Variants in UNC45A observed in about 807,000 individuals in gnomAD.
UNC45A encodes protein unc-45 homolog A.
A neutral mutation model predicts 103.2 loss-of-function variants in UNC45A; 78 were observed. The ratio of observed to expected loss-of-function variants is 0.76; its 90% CI spans 0.63 to 0.91. The LOEUF (loss-of-function observed/expected upper bound fraction) is 0.91, where lower values mean the gene tolerates loss of function less well. Ranked by LOEUF, UNC45A falls within the 40% of genes least tolerant of loss-of-function variation. UNC45A has a pLI of 0.00. For missense variants in UNC45A, 1,193 were observed against 1,224.8 expected, an observed-to-expected ratio of 0.97 and a Z score of 0.39; for synonymous variants, 495 against 504.6, an observed-to-expected ratio of 0.98 and a Z score of 0.25.
intron 3 of UNC45A, 105 bp downstream of exon 3, chr15:90,936,087 A>T: frequency 6.4e-7 from 1 of 1,558,760 alleles, no homozygotes. Flanking sequence ...CCCCAGAGAC[A>T]CATCTGCCTT....
intron 15 of UNC45A, 58 bp from the exon 16 acceptor site, chr15:90,950,095 CG>C (rs1567161460): frequency 6.6e-7 from 1 of 1,507,364 alleles, no homozygotes; most frequent in East Asian, 2.5e-5. Flanking sequence ...CTGGGGAGCC[CG>C]ATGGTCGGGG....
At chr15:90,932,236 C>T (rs929651470), upstream of UNC45A, 8 of 1,095,272 alleles carry the variant, frequency 7.3e-6, no homozygotes, top group Admixed American at 1.7e-4. Flanking sequence ...TGGTCAAGTA[C>T]CTTACCCTCT....
At position 90,953,003 on chromosome 15, in the gene UNC45A, G is replaced by A. The variant is rs149872991; in HGVS notation, c.2378G>A (p.Arg793Gln). The change falls in exon 18 of 20, where the codon CGG (arginine) becomes CAG (glutamine). Residue 793 changes from arginine (R) to glutamine (Q), a missense_variant. Physicochemically the swap from Arg to Gln is conservative, Grantham distance 43. Transcript: ENST00000418476. The part of the protein sequence containing the change: ...YMFEEHEMIR[R>Q]AATECMCNLA... ...TTTGAGGAGCATGAGATGATCCGCC[G>A]GGCAGCCACGGAGTGCATGTGTAAC... The A allele has an allele frequency of 6.0e-4, 961 of 1,613,514 alleles. No individual in the cohort carries two copies. Among genetic ancestry groups the A allele is most frequent in the Middle Eastern group, 1.5e-3 (9 of 6,062 alleles).
At chr15:90,936,771 A>G (rs746977965) in intron 4 of UNC45A, among the ~76,000 whole-genome samples, 1 of 152,200 alleles carries the variant, frequency 6.6e-6, no homozygotes, top group African/African-American at 2.4e-5. Flanking sequence ...GTACTTTAGC[A>G]TATCTATTCA....
Position 90,940,443 on chromosome 15 carries a change from G to A in UNC45A, c.657G>A (p.Leu219=). The part of the protein sequence containing the change: ...TDLMLAALRT[L]VGICSEHQSR... ...TCATGCTGGCGGCTCTGCGTACGCT[G>A]GTTGGCATTTGCTCTGAGCATCAGT... Residue 219 remains leucine (L), a synonymous_variant, in exon 6 of 20, where the codon CTG becomes CTA. Coordinates refer to ENST00000418476, the MANE Select transcript of UNC45A (RefSeq NM_018671.5). 6.2e-7 allele frequency: 1 copy of A among 1,613,834 alleles called. No individual in the cohort carries two copies. Among genetic ancestry groups the A allele is most frequent in the Non-Finnish European group, 8.5e-7 (1 of 1,179,818 alleles).
At position 90,946,956 on chromosome 15, in the gene UNC45A, A is replaced by T. The variant is rs187622236; in HGVS notation, c.1500+42A>T. Reference sequence around the variant, plus strand: ...GGGGTGGGTGGGCAGGCAGCCAGGCAGGGGTCCTGGTCCAGCCGGTGTTGC... The same window carrying T: ...GGGGTGGGTGGGCAGGCAGCCAGGCTGGGGTCCTGGTCCAGCCGGTGTTGC... On this transcript the variant is annotated intron_variant, in intron 10 of 19. Transcript: ENST00000418476. The T allele has an allele frequency of 3.4e-5, 54 of 1,570,048 alleles. No individual in the cohort carries two copies. The East Asian group carries it at 1.1e-3, about 33-fold the overall frequency.
intron 9 of UNC45A, among the ~76,000 whole-genome samples, chr15:90,945,747 C>T (rs2036531539): frequency 6.6e-6 from 1 of 151,694 alleles, no homozygotes; most frequent in African/African-American, 2.4e-5. Flanking sequence ...ATTCTCCTGC[C>T]TCAGCTTCCC....
chr15:90,938,958 C>T (rs1416700894), intron 4 of UNC45A, among the ~76,000 whole-genome samples: 1 of 151,938 alleles, frequency 6.6e-6, no homozygotes, highest in Non-Finnish European at 1.5e-5. Context: ...AGGCGTGAGC[C>T]ACCGTGCCTG....
intron 8 of UNC45A, among the ~76,000 whole-genome samples, chr15:90,944,446 C>A (rs1422543907): frequency 6.6e-6 from 1 of 151,920 alleles, no homozygotes; most frequent in East Asian, 1.9e-4. Context: ...GGGCCTTTCA[C>A]AATGGTCCTA....
At chr15:90,939,684 T>C in intron 4 of UNC45A, 47 bp from the exon 5 acceptor site, 1 of 1,603,088 alleles carries the variant, frequency 6.2e-7, no homozygotes, top group Non-Finnish European at 8.5e-7. Flanking sequence ...GTGTGATGTC[T>C]CTGGCCAAGA....
Position 90,935,320 on chromosome 15 carries a change from C to G in UNC45A, c.-5C>G, listed in dbSNP as rs1297218648. The G allele has an allele frequency of 1.2e-6, 2 of 1,603,582 alleles. No homozygotes were observed. Among genetic ancestry groups the G allele is most frequent in the Non-Finnish European group, 1.7e-6 (2 of 1,176,732 alleles). Reference sequence around the variant, plus strand: ...CCTGCGCGGGCACGAGACAACCTCTCCGCGATGACTGTGAGTGGTCCAGGG... The same window carrying G: ...CCTGCGCGGGCACGAGACAACCTCTGCGCGATGACTGTGAGTGGTCCAGGG... On this transcript the variant is annotated 5_prime_UTR_variant, in exon 1 of 20. Transcript: ENST00000418476.
upstream of UNC45A, chr15:90,935,239 C>T: frequency 3.0e-6 from 4 of 1,337,786 alleles, no homozygotes; most frequent in Non-Finnish European, 4.2e-6. Flanking sequence ...AAGAGTGGGG[C>T]GGGGCAGCTG....
intron 10 of UNC45A, 149 bp downstream of exon 10, chr15:90,947,063 C>G (rs2036613743): frequency 1.1e-6 from 1 of 886,782 alleles, no homozygotes; most frequent in Non-Finnish European, 1.7e-6. Context: ...GTGGTGCATG[C>G]CTATAGGTCC....
chr15:90,935,985 A>G lies in UNC45A; in HGVS notation c.250+3A>G, dbSNP rs769289981. ...AGCAGAAACAGAGGCATCCAAAGGT[A>G]GGGGAATGGTGGGCCCTGGTGTGGA... On this transcript the variant is annotated splice_donor_region_variant and intron_variant, in intron 3 of 19. Transcript: ENST00000418476. The G allele has an allele frequency of 1.9e-6, 3 of 1,614,020 alleles. No homozygotes were observed. Among genetic ancestry groups the G allele is most frequent in the African/African-American group, 1.3e-5 (1 of 75,030 alleles).
chr15:90,943,948 CAA>C (rs1036590046), intron 8 of UNC45A, among the ~76,000 whole-genome samples: 1 of 146,378 alleles, frequency 6.8e-6, no homozygotes, highest in Non-Finnish European at 1.5e-5. Context: ...CTTGGTCTCC[CAA>C]AGTGTTGGGA....
At chr15:90,946,474 C>T (rs1300940743) in intron 9 of UNC45A, 140 bp from the exon 10 acceptor site, 12 of 946,744 alleles carry the variant, frequency 1.3e-5, no homozygotes, top group Admixed American at 2.9e-5. Flanking sequence ...CAGGTGGAAA[C>T]GTCCTAGTCC....
upstream of UNC45A, chr15:90,932,377 A>T: frequency 2.6e-6 from 3 of 1,150,576 alleles, no homozygotes; most frequent in Non-Finnish European, 3.4e-6. Context: ...TTTCCTTCCC[A>T]GTCCCCACCA....
At chr15:90,946,268 A>G (rs1239567150) in intron 9 of UNC45A, among the ~76,000 whole-genome samples, 1 of 147,846 alleles carries the variant, frequency 6.8e-6, no homozygotes, top group Non-Finnish European at 1.5e-5. Flanking sequence ...AAAAAAAAAA[A>G]AAAGAAAGAA....
intron 6 of UNC45A, among the ~76,000 whole-genome samples, chr15:90,941,958 CAAA>C (rs369044240): frequency 1.3e-4 from 9 of 68,780 alleles, no homozygotes; most frequent in Non-Finnish European, 1.8e-4. Context: ...GACTCCGTCT[CAAA>C]AAAAAAAAAA....
Sources: gnomAD v4.1 joint callset for allele counts (sites outside exome capture counted in the v4.1 genomes callset) on GRCh38, gnomAD v4.1.1 for gene constraint, MANE v1.5 for transcripts, NCBI Gene and HGNC (gene_info 2026-07-23, HGNC 2026-07-21) for gene names.